The following DIAPH3 variants were observed in gnomAD, a reference collection of about 807,000 sequenced individuals.
DIAPH3 encodes the protein diaphanous related formin 3.
Under a neutral mutation model 144.3 loss-of-function variants are expected in DIAPH3, and 117 were observed. The observed-to-expected ratio is 0.81, with a 90% CI of 0.70 to 0.95. The LOEUF (loss-of-function observed/expected upper bound fraction) is 0.95. DIAPH3 is among the 40% of genes least tolerant of loss of function. The pLI, the probability that DIAPH3 is intolerant of heterozygous loss-of-function variation, is 0.00. For missense variants in DIAPH3, 1,421 were observed against 1,412.7 expected (o/e 1.01, Z -0.09); for synonymous variants, 519 against 488.9 (o/e 1.06, Z -0.81).
intron 17 of DIAPH3, among the ~76,000 whole-genome samples, chr13:59,932,778 G>A (rs2048083495): frequency 6.6e-6 from 1 of 152,154 alleles, no homozygotes; most frequent in Admixed American, 6.5e-5. Context: ...CTTAGATAGT[G>A]AGAATATGGA....
intron 2 of DIAPH3, among the ~76,000 whole-genome samples, chr13:60,119,250 G>GACAA (rs2138127533): frequency 6.6e-6 from 1 of 152,316 alleles, no homozygotes; most frequent in South Asian, 2.1e-4. Context: ...CAAAGAACAT[G>GACAA]ACAAAGAATT....
intron 4 of DIAPH3, among the ~76,000 whole-genome samples, chr13:60,045,103 AGGCT>A (rs982687949): frequency 2.6e-5 from 4 of 152,172 alleles, no homozygotes; most frequent in South Asian, 2.1e-4. Context: ...GCACTTTGGG[AGGCT>A]GAGGCGGGCG....
chr13:60,008,670 A>T, intron 8 of DIAPH3, 21 bp from the exon 9 acceptor site: 1 of 1,484,796 alleles, frequency 6.7e-7, no homozygotes. Flanking sequence ...ATTTGAGTCA[A>T]TTAAATTGCA....
chr13:59,703,822 T>C (rs1285180898), intron 27 of DIAPH3, among the ~76,000 whole-genome samples: 1 of 152,138 alleles, frequency 6.6e-6, no homozygotes, highest in Non-Finnish European at 1.5e-5. Context: ...ATATTCTATG[T>C]ATATATTAAA....
chr13:59,974,493 A>G (rs760326658), intron 14 of DIAPH3, 37 bp from the exon 15 acceptor site: 2 of 1,497,998 alleles, frequency 1.3e-6, no homozygotes, highest in Non-Finnish European at 1.8e-6. Flanking sequence ...AAACAGGAAG[A>G]TGAAAATGAA....
intron 20 of DIAPH3, among the ~76,000 whole-genome samples, chr13:59,896,653 T>C (rs2046119330): frequency 6.6e-6 from 1 of 152,150 alleles, no homozygotes; most frequent in Admixed American, 6.5e-5. Context: ...AGGCTGTTAT[T>C]ATACACAACT....
At chr13:60,157,235 G>A (rs182525591) in intron 1 of DIAPH3, among the ~76,000 whole-genome samples, 6 of 152,112 alleles carry the variant, frequency 3.9e-5, no homozygotes, top group East Asian at 1.9e-4. Flanking sequence ...ATGCACCACC[G>A]TACCCAACCC....
chr13:59,742,710 AAAG>A (rs1235836867), intron 27 of DIAPH3, among the ~76,000 whole-genome samples: 1 of 129,178 alleles, frequency 7.7e-6, no homozygotes, highest in Non-Finnish European at 1.7e-5. Flanking sequence ...GGGAGAAAGA[AAAG>A]AAAAGAAAGA....
intron 25 of DIAPH3, among the ~76,000 whole-genome samples, chr13:59,782,599 A>G (rs967007130): frequency 2.0e-5 from 3 of 152,202 alleles, no homozygotes; most frequent in Non-Finnish European, 4.4e-5. Flanking sequence ...GCTGAGGAAG[A>G]GAATTTGAAG....
intron 3 of DIAPH3, among the ~76,000 whole-genome samples, chr13:60,097,080 C>T (rs1248946642): frequency 6.6e-6 from 1 of 152,192 alleles, no homozygotes; most frequent in Non-Finnish European, 1.5e-5. Flanking sequence ...ACCCAAAATT[C>T]TCCCAGCTGC....
intron 18 of DIAPH3, among the ~76,000 whole-genome samples, chr13:59,923,506 C>G (rs954454694): frequency 6.6e-6 from 1 of 152,126 alleles, no homozygotes; most frequent in Non-Finnish European, 1.5e-5. Flanking sequence ...ACCATATGTT[C>G]ATCACACCAG....
chr13:59,963,045 C>T (rs1320172120), intron 17 of DIAPH3, among the ~76,000 whole-genome samples: 1 of 152,030 alleles, frequency 6.6e-6, no homozygotes, highest in African/African-American at 2.4e-5. Flanking sequence ...CCCCAGAATT[C>T]TATTTGCAGA....
intron 3 of DIAPH3, among the ~76,000 whole-genome samples, chr13:60,105,495 A>C (rs564013158): frequency 6.6e-6 from 1 of 152,308 alleles, no homozygotes; most frequent in South Asian, 2.1e-4. Context: ...AGAAACAACT[A>C]AACACTGACA....
At chr13:60,135,366 T>C (rs1168843921) in intron 1 of DIAPH3, among the ~76,000 whole-genome samples, 1 of 152,076 alleles carries the variant, frequency 6.6e-6, no homozygotes, top group Non-Finnish European at 1.5e-5. Flanking sequence ...GGTATGTACA[T>C]AAGCCCAGTT....
chr13:59,768,797 T>C (rs369713583), intron 27 of DIAPH3, among the ~76,000 whole-genome samples: 39 of 152,072 alleles, frequency 2.6e-4, no homozygotes, highest in African/African-American at 9.2e-4. Context: ...AGTGGAAGAG[T>C]AAAAATAGAT....
intron 25 of DIAPH3, among the ~76,000 whole-genome samples, chr13:59,797,711 C>T (rs1051618949): frequency 2.9e-4 from 44 of 152,068 alleles, no homozygotes; most frequent in Admixed American, 2.4e-3. Context: ...ACCTGTTTTC[C>T]TTCAAGGGGA....
chr13:59,703,792 A>G (rs2034257464), intron 27 of DIAPH3, among the ~76,000 whole-genome samples: 1 of 152,298 alleles, frequency 6.6e-6, no homozygotes, highest in Admixed American at 6.5e-5. Context: ...CATGCCTAGC[A>G]GTGTTTTATT....
chr13:59,808,064 T>A (rs532621210), intron 25 of DIAPH3, among the ~76,000 whole-genome samples: 110 of 151,288 alleles, frequency 7.3e-4, no homozygotes, highest in Admixed American at 1.2e-3. Flanking sequence ...TTATAAATAA[T>A]CAAAACTAGA....
chr13:59,983,955 T>C, intron 12 of DIAPH3, 68 bp from the exon 13 acceptor site: 2 of 1,018,932 alleles, frequency 2.0e-6, no homozygotes, highest in South Asian at 1.3e-5. Flanking sequence ...AACAAAACTT[T>C]TTGGCTAAGA....
Sources: gnomAD v4.1 joint callset for allele counts (sites outside exome capture counted in the v4.1 genomes callset) on GRCh38, gnomAD v4.1.1 for gene constraint, MANE v1.5 for transcripts, NCBI Gene and HGNC (gene_info 2026-07-23, HGNC 2026-07-21) for gene names.